The following POU6F1 variants were observed in gnomAD, a reference collection of about 807,000 sequenced individuals.
POU6F1 encodes POU class 6 homeobox 1.
Under a neutral mutation model 28.9 loss-of-function variants are expected in POU6F1, and 9 were observed. That is an observed-to-expected ratio of 0.31 (90% confidence interval 0.19 to 0.54). The LOEUF is 0.54. POU6F1 is among the 20% of genes least tolerant of loss of function. The pLI is 0.94. For missense variants in POU6F1, 338 were observed against 426.1 expected, an observed-to-expected ratio of 0.79 and a Z score of 1.82; for synonymous variants, 173 against 171.1, an observed-to-expected ratio of 1.01 and a Z score of -0.09.
chr12:51,202,809 G>A (rs919354113), intron 3 of POU6F1, among the ~76,000 whole-genome samples: 3 of 152,104 alleles, frequency 2.0e-5, no homozygotes, highest in African/African-American at 7.2e-5. Context: ...ATTACGTGGT[G>A]GTGTCATACT....
chr12:51,191,852 G>A, intron 9 of POU6F1, 88 bp from the exon 10 acceptor site: 3 of 1,495,058 alleles, frequency 2.0e-6, no homozygotes, highest in Non-Finnish European at 2.8e-6. Context: ...TGACGCAGTA[G>A]TGAGAGGTGA....
chr12:51,199,295 A>G lies in POU6F1; in HGVS notation c.366+452T>C, dbSNP rs1309206416. On this transcript the variant is annotated intron_variant, in intron 4 of 10. Transcript: ENST00000333640. The surrounding 1 kb of genome is among the most constrained non-coding windows in gnomAD (Gnocchi z 4.1). ...TGGCTGGATGCCTTGGAGTCAGGGA[A>G]TGTAGCGAAAGGGACAGGGAGCTCT... Among the ~76,000 whole-genome samples, 1 of 152,092 alleles carries G rather than the reference A, an allele frequency of 6.6e-6. No homozygotes were observed. The highest frequency in any genetic ancestry group is 1.5e-5 in the Non-Finnish European group (1 of 67,998).
chr12:51,204,457 G>A (rs1349445531), intron 2 of POU6F1, 89 bp from the exon 3 acceptor site: 2 of 397,984 alleles, frequency 5.0e-6, no homozygotes, highest in Non-Finnish European at 8.9e-6. Flanking sequence ...GGAGAGAGGG[G>A]AGGGCACCTC....
In POU6F1 at chr12:51,198,350, G is replaced by A. The variant is rs372026868; in HGVS notation, c.592+200C>T. ...GCTGGCCGAAGTACGGCAGGCCTGCGGGGCCAGCGTGGCGTCACGGCCTAC... is the reference window on the plus strand; with the variant it reads ...GCTGGCCGAAGTACGGCAGGCCTGCAGGGCCAGCGTGGCGTCACGGCCTAC... On this transcript the variant is annotated intron_variant, in intron 5 of 10. Transcript: ENST00000333640. 1.3e-3 allele frequency among the ~76,000 whole-genome samples: 203 copies of A among 152,320 alleles called. No homozygotes were observed. The East Asian group carries it at 0.015, about 12-fold the overall frequency.
intron 8 of POU6F1, 91 bp from the exon 9 acceptor site, chr12:51,192,562 G>A: frequency 6.6e-7 from 1 of 1,512,576 alleles, no homozygotes; most frequent in South Asian, 1.2e-5. Context: ...GGCAAAAACA[G>A]ACATGAAATC....
In POU6F1 at chr12:51,196,119, G is replaced by A; in HGVS notation, c.1030C>T (p.Pro344Ser). 6.3e-7 allele frequency: 1 copy of A among 1,581,140 alleles called. No individual in the cohort carries two copies. The highest frequency in any genetic ancestry group is 8.6e-7 in the Non-Finnish European group (1 of 1,165,654). The change falls in exon 8 of 11, where the codon CCA becomes TCA. Residue 344 changes from proline to serine, a missense_variant. This residue lies in a region of POU6F1 where 206 missense variants were observed against 225.6 expected (regional missense o/e 0.91). Transcript: ENST00000333640. ...GCCTGGACCTGCAGGCTTTGGGCTG[G>A]TGCTGGGGCCGCCACACTAGCTGAG... The part of the protein sequence containing the change: ...VNSASVAAPA[P>S]AQSLQVQAVT...
rs1395151420 is a variant in POU6F1, at chr12:51,201,544, AC to A, written c.245-1677del. On this transcript the variant is annotated intron_variant, in intron 3 of 10. Coordinates refer to ENST00000333640, the MANE Select transcript of POU6F1 (RefSeq NM_001330422.2). ...AAAATAAAAATGAGTTAAAAAAAAAACAAAAAAATTAGCAAACATAAGGAGA... is the reference window on the plus strand; with the variant it reads ...AAAATAAAAATGAGTTAAAAAAAAAAAAAAAAATTAGCAAACATAAGGAGA... 6.1e-3 allele frequency: 206 copies of A among 33,998 alleles called. 1 individual carries two copies. The highest frequency in any genetic ancestry group is 0.011 in the African/African-American group (198 of 18,828). 2.1% of individuals were successfully genotyped at this position (33,998 alleles called of 1,614,324 possible). A position where few individuals can be genotyped will look rare whatever the true frequency, so the allele number is the denominator to read the frequency against.
chr12:51,190,720 T>G lies in POU6F1; in HGVS notation c.1491-128A>C. On this transcript the variant is annotated intron_variant, in intron 10 of 10. Transcript: ENST00000333640. The surrounding 1 kb of genome is among the most constrained non-coding windows in gnomAD (Gnocchi z 4.5). ...TAGGGGCTGGTGAGACTGTACCCAG[T>G]GCTCCCCTCACCACCTCCACCAAGA... 7.2e-7 allele frequency: 1 copy of G among 1,395,564 alleles called. No homozygotes were observed. The allele number at this position is 1,395,564 out of a possible 1,614,324, so 86.4% of individuals were successfully genotyped here.
Position 51,199,948 on chromosome 12 carries a change from T to A in POU6F1, c.245-80A>T. 2.5e-6 allele frequency: 1 copy of A among 399,124 alleles called. No homozygotes were observed. Among genetic ancestry groups the A allele is most frequent in the Non-Finnish European group, 4.4e-6 (1 of 226,146 alleles). 24.7% of individuals were successfully genotyped at this position (399,124 alleles called of 1,614,324 possible). ...GGGGTCACCACAGCAGTACATGACA[T>A]CCCATCTGCAGCCTGAAGCGGGGAC... On this transcript the variant is annotated intron_variant, in intron 3 of 10. Transcript: ENST00000333640. The surrounding 1 kb of genome is among the most constrained non-coding windows in gnomAD (Gnocchi z 4.1).
At chr12:51,192,667 A>G (rs1380135208) in intron 8 of POU6F1, among the ~76,000 whole-genome samples, 196 bp from the exon 9 acceptor site, 1 of 152,170 alleles carries the variant, frequency 6.6e-6, no homozygotes, top group African/African-American at 2.4e-5. Context: ...CACTTTGGGA[A>G]GCCAAGGCGG....
At chr12:51,201,535 A>T (rs1196645884) in intron 3 of POU6F1, 3 of 71,396 alleles carry the variant, frequency 4.2e-5, no homozygotes, top group Admixed American at 1.2e-4. Context: ...AAAATGAGTT[A>T]AAAAAAAAAC....
At chr12:51,205,034 C>CTTTTTT (rs767521766) in intron 2 of POU6F1, among the ~76,000 whole-genome samples, 3 of 113,656 alleles carry the variant, frequency 2.6e-5, no homozygotes, top group Non-Finnish European at 5.5e-5. Flanking sequence ...TGGACTGCAG[C>CTTTTTT]TTTTTTTTTT....
At chr12:51,214,417 A>T (rs1056790061) in intron 1 of POU6F1, among the ~76,000 whole-genome samples, 1 of 152,090 alleles carries the variant, frequency 6.6e-6, no homozygotes, top group Non-Finnish European at 1.5e-5. Context: ...GACACCACAC[A>T]GAACCTCCTC....
intron 2 of POU6F1, among the ~76,000 whole-genome samples, chr12:51,205,818 C>CTTTTTTTTTTT: frequency 7.4e-6 from 1 of 135,992 alleles, no homozygotes; most frequent in East Asian, 2.2e-4. Context: ...TCTTTTCTTT[C>CTTTTTTTTTTT]TTTTTTTTTT....
At chr12:51,195,850 G>A in intron 8 of POU6F1, 120 bp downstream of exon 8, 1 of 1,178,110 alleles carries the variant, frequency 8.5e-7, no homozygotes, top group South Asian at 1.6e-5. Context: ...CCCACTTTAG[G>A]AAGCGCCCTG....
chr12:51,195,599 G>A (rs1411557018), intron 8 of POU6F1, among the ~76,000 whole-genome samples: 1 of 152,158 alleles, frequency 6.6e-6, no homozygotes, highest in African/African-American at 2.4e-5. Flanking sequence ...GGATGGAGGG[G>A]TAGAGGAATG....
rs1017033999 is a variant in POU6F1 at position 51,217,295 on chromosome 12, G to T, written c.-48+347C>A. Among the ~76,000 whole-genome samples the T allele has an allele frequency of 6.6e-6, 1 of 152,286 alleles. No individual in the cohort carries two copies. Among genetic ancestry groups the T allele is most frequent in the South Asian group, 2.1e-4 (1 of 4,830 alleles). On this transcript the variant is annotated intron_variant, in intron 1 of 10. Coordinates refer to ENST00000333640, the MANE Select transcript of POU6F1 (RefSeq NM_001330422.2). The surrounding 1 kb of genome is among the most constrained non-coding windows in gnomAD (Gnocchi z 5.3). ...CCCCTGTGGTCCGCACCCCACAAGG[G>T]CTCCAGGGGCAGAAACGGGGAGGGG...
chr12:51,214,914 G>C (rs1338400911), intron 1 of POU6F1, among the ~76,000 whole-genome samples: 1 of 152,048 alleles, frequency 6.6e-6, no homozygotes, highest in Non-Finnish European at 1.5e-5. Context: ...AGCCAAGATT[G>C]TGCCACTGCA....
At position 51,217,500 on chromosome 12, in the gene POU6F1, C is replaced by G. The variant is rs933425274; in HGVS notation, c.-48+142G>C. On this transcript the variant is annotated intron_variant, in intron 1 of 10. Transcript: ENST00000333640. The surrounding 1 kb of genome is among the most constrained non-coding windows in gnomAD (Gnocchi z 5.3). ...GGCCCAGCATCCCGCCGCCCCGGCC[C>G]CGCGGCTTTTTTTCTCTTTATCATA... 2.0e-5 allele frequency: 3 copies of G among 152,824 alleles called. No individual in the cohort carries two copies. The highest frequency in any genetic ancestry group is 6.6e-5 in the Admixed American group (1 of 15,238). 9.5% of individuals were successfully genotyped at this position (152,824 alleles called of 1,614,324 possible).
Sources: gnomAD v4.1 joint callset for allele counts (sites outside exome capture counted in the v4.1 genomes callset) on GRCh38, gnomAD v4.1.1 for gene constraint, gnomAD v4.1.1 regional missense constraint, Gnocchi (gnomAD v3.1) non-coding constraint, MANE v1.5 for transcripts, NCBI Gene and HGNC (gene_info 2026-07-23, HGNC 2026-07-21) for gene names.